Variants in BMP6 observed in about 807,000 individuals in gnomAD.
BMP6 encodes the protein VG-1-R.
In BMP6, 17 loss-of-function variants were observed where a neutral mutation model predicts 54.1. The observed-to-expected ratio is 0.31, with a 90% confidence interval of 0.22 to 0.47. The LOEUF (loss-of-function observed/expected upper bound fraction) is 0.47. Ranked by LOEUF, BMP6 falls within the 20% of genes least tolerant of loss-of-function variation. The probability of loss-of-function intolerance (pLI) is 1.00; values close to 1 mark genes in which losing one functional copy is unlikely to be tolerated. For missense variants in BMP6, 720 were observed against 690.4 expected (o/e 1.04, Z -0.48); for synonymous variants, 328 against 291.2 (o/e 1.13, Z -1.28).
At chr6:7,793,732 C>T (rs1561773930) in intron 1 of BMP6, among the ~76,000 whole-genome samples, 1 of 152,194 alleles carries the variant, frequency 6.6e-6, no homozygotes, top group Non-Finnish European at 1.5e-5. Flanking sequence ...ATTAGTCCTC[C>T]TCCATGGGGT....
chr6:7,800,706 G>C (rs548272473), intron 1 of BMP6, among the ~76,000 whole-genome samples: 4 of 152,154 alleles, frequency 2.6e-5, no homozygotes, highest in East Asian at 3.9e-4. Flanking sequence ...TTATTATTCT[G>C]TCTTATTTCC....
chr6:7,865,212 T>C (rs1046461566), intron 4 of BMP6, among the ~76,000 whole-genome samples: 2 of 152,210 alleles, frequency 1.3e-5, no homozygotes, highest in Non-Finnish European at 2.9e-5. Flanking sequence ...AAATTAAATA[T>C]GGATATTCAA....
chr6:7,749,266 T>G (rs1757388304), intron 1 of BMP6, among the ~76,000 whole-genome samples: 1 of 152,242 alleles, frequency 6.6e-6, no homozygotes, highest in Non-Finnish European at 1.5e-5. Context: ...TGTTGTTTTA[T>G]CTTATGAATA....
chr6:7,729,806 A>ACCCAGATGCCCAGGAGTG (rs1761819910), intron 1 of BMP6, among the ~76,000 whole-genome samples: 1 of 152,184 alleles, frequency 6.6e-6, no homozygotes, highest in Non-Finnish European at 1.5e-5. Context: ...CCTTAAAAAA[A>ACCCAGATGCCCAGGAGTG]CCCAGATGCC....
At chr6:7,859,328 T>C (rs545333313) in intron 2 of BMP6, among the ~76,000 whole-genome samples, 1 of 149,236 alleles carries the variant, frequency 6.7e-6, no homozygotes, top group Admixed American at 6.7e-5. Context: ...TTGAACTGTA[T>C]TTCTCTGTAT....
chr6:7,856,116 A>G (rs988630000), intron 2 of BMP6, among the ~76,000 whole-genome samples: 12 of 110,904 alleles, frequency 1.1e-4, no homozygotes, highest in African/African-American at 3.6e-4. Flanking sequence ...AATATCAAAG[A>G]CTGTAAAAAA....
chr6:7,877,153 C>T (rs575608639), intron 4 of BMP6, among the ~76,000 whole-genome samples: 2 of 152,098 alleles, frequency 1.3e-5, no homozygotes, highest in South Asian at 4.2e-4. Context: ...GTGAAAATTT[C>T]CCTCCAGGGC....
intron 1 of BMP6, among the ~76,000 whole-genome samples, chr6:7,806,561 C>A (rs571376400): frequency 6.6e-6 from 1 of 151,782 alleles, no homozygotes; most frequent in South Asian, 2.1e-4. Flanking sequence ...CTAGGAAACA[C>A]ATACTTCTGC....
chr6:7,797,448 T>C (rs927684172), intron 1 of BMP6, among the ~76,000 whole-genome samples: 2 of 152,200 alleles, frequency 1.3e-5, no homozygotes, highest in Admixed American at 6.5e-5. Flanking sequence ...TAAGAATTCA[T>C]TGAGTGAAAA....
At chr6:7,774,640 C>T (rs116342536) in intron 1 of BMP6, among the ~76,000 whole-genome samples, 292 of 152,292 alleles carry the variant, frequency 1.9e-3, no homozygotes, top group African/African-American at 6.4e-3. Context: ...AGCCAAGAGG[C>T]GGAGGTTGTA....
chr6:7,796,528 A>G (rs956074157), intron 1 of BMP6, among the ~76,000 whole-genome samples: 1 of 152,204 alleles, frequency 6.6e-6, no homozygotes, highest in African/African-American at 2.4e-5. Context: ...TCTTGCTGTC[A>G]CAATATTTTA....
intron 4 of BMP6, among the ~76,000 whole-genome samples, chr6:7,875,629 CTG>C (rs1759604071): frequency 6.6e-6 from 1 of 152,200 alleles, no homozygotes; most frequent in Non-Finnish European, 1.5e-5. Context: ...GATTGTGCCA[CTG>C]TGCTCCAGCT....
chr6:7,727,026 C>T lies in BMP6; in HGVS notation c.71C>T (p.Pro24Leu). The T allele has an allele frequency of 8.9e-7, 1 of 1,119,296 alleles. No homozygotes were observed. The highest frequency in any genetic ancestry group is 1.1e-6 in the Non-Finnish European group (1 of 917,772). The allele number at this position is 1,119,296 out of a possible 1,614,324, so 69.3% of individuals were successfully genotyped here. A position where few individuals can be genotyped will look rare whatever the true frequency, so the allele number is the denominator to read the frequency against. The change falls in exon 1 of 7, where the codon CCC becomes CTC. Residue 24 changes from proline to leucine, a missense_variant. Physicochemically the swap from Pro to Leu is moderately conservative, Grantham distance 98. Coordinates refer to ENST00000283147, the MANE Select transcript of BMP6 (RefSeq NM_001718.6). ...GGGCTGCTGTGCAGCTGCTGCGGGC[C>T]CCCGCCGCTGCGGCCGCCCTTGCCC... is the stretch of plus-strand genomic sequence containing the variant. Reference protein sequence around the residue: ...WWGLLCSCCGPPPLRPPLPAA... With the variant: ...WWGLLCSCCGLPPLRPPLPAA...
At chr6:7,727,677 C>T (rs1761767332) in intron 1 of BMP6, 58 bp downstream of exon 1, 22 of 1,443,920 alleles carry the variant, frequency 1.5e-5, no homozygotes, top group East Asian at 2.6e-5. Context: ...GTGTCCCGGG[C>T]CCAGGGGATG....
At chr6:7,873,746 G>T (rs926671233) in intron 4 of BMP6, among the ~76,000 whole-genome samples, 1 of 151,994 alleles carries the variant, frequency 6.6e-6, no homozygotes, top group African/African-American at 2.4e-5. Context: ...GAAAATCCAA[G>T]GGTTGTCAAA....
intron 2 of BMP6, among the ~76,000 whole-genome samples, chr6:7,859,803 G>T (rs907609444): frequency 3.3e-5 from 5 of 152,066 alleles, no homozygotes; most frequent in Admixed American, 2.0e-4. Context: ...GTGGCCTCCC[G>T]CAGACTCTGT....
chr6:7,728,004 C>T (rs1304925091), intron 1 of BMP6, among the ~76,000 whole-genome samples: 2 of 152,148 alleles, frequency 1.3e-5, no homozygotes, highest in African/African-American at 2.4e-5. Context: ...GTGTGGCCAT[C>T]CTGGGAAGAG....
chr6:7,802,561 C>G (rs555466149), intron 1 of BMP6, among the ~76,000 whole-genome samples: 1 of 152,082 alleles, frequency 6.6e-6, no homozygotes, highest in Non-Finnish European at 1.5e-5. Context: ...AGATTTGTGG[C>G]GGGATTGAGT....
chr6:7,855,235 G>A (rs1226395251), intron 2 of BMP6, among the ~76,000 whole-genome samples: 1 of 152,168 alleles, frequency 6.6e-6, no homozygotes, highest in African/African-American at 2.4e-5. Context: ...TCATGGAGAG[G>A]TAGTCTGGCT....
Sources: gnomAD v4.1 joint callset for allele counts (sites outside exome capture counted in the v4.1 genomes callset) on GRCh38, gnomAD v4.1.1 for gene constraint, MANE v1.5 for transcripts, NCBI Gene and HGNC (gene_info 2026-07-23, HGNC 2026-07-21) for gene names.